LMO2: variants seen among roughly 807,000 people sequenced by gnomAD.
LMO2 encodes rhombotin-2.
Under a neutral mutation model 23.2 loss-of-function variants are expected in LMO2, and 20 were observed. The ratio of observed to expected loss-of-function variants is 0.86; its 90% CI spans 0.61 to 1.25. LMO2 has a LOEUF of 1.25. LMO2 is among the 50% of genes most tolerant of loss of function. The pLI is 0.00. For missense variants in LMO2, 270 were observed against 315.3 expected, an observed-to-expected ratio of 0.86 and a Z score of 1.09; for synonymous variants, 123 against 130.2, an observed-to-expected ratio of 0.94 and a Z score of 0.38.
At chr11:33,881,508 C>A in intron 2 of LMO2, 1 of 417,234 alleles carries the variant, frequency 2.4e-6, no homozygotes, top group Non-Finnish European at 4.9e-6. Flanking sequence ...GGAATGGTAG[C>A]AAGTCATCTA....
chr11:33,876,395 G>A (rs995212291), intron 2 of LMO2, among the ~76,000 whole-genome samples: 1 of 152,182 alleles, frequency 6.6e-6, no homozygotes, highest in Admixed American at 6.5e-5. Flanking sequence ...CTAACGTGTG[G>A]CTGGCCCTCA....
chr11:33,860,904 G>T (rs1856549535), intron 5 of LMO2, among the ~76,000 whole-genome samples: 1 of 152,330 alleles, frequency 6.6e-6, no homozygotes, highest in African/African-American at 2.4e-5. Context: ...GGGACTGGTT[G>T]CAGGCTGACA....
intron 2 of LMO2, among the ~76,000 whole-genome samples, chr11:33,879,338 G>A (rs1292000131): frequency 2.6e-5 from 4 of 151,966 alleles, no homozygotes; most frequent in Non-Finnish European, 4.4e-5. Context: ...AGAACATATA[G>A]GCCGGGCACT....
At chr11:33,887,831 C>T (rs757258541) in intron 1 of LMO2, among the ~76,000 whole-genome samples, 1 of 152,122 alleles carries the variant, frequency 6.6e-6, no homozygotes, top group Non-Finnish European at 1.5e-5. Context: ...GCCTTGGCCT[C>T]CCAAAGTGAT....
At chr11:33,884,005 A>G (rs909454086) in intron 1 of LMO2, among the ~76,000 whole-genome samples, 2 of 152,128 alleles carry the variant, frequency 1.3e-5, no homozygotes, top group African/African-American at 4.8e-5. Flanking sequence ...ATTGGACCAT[A>G]ACAATATTCC....
At chr11:33,867,959 T>C (rs547583569) in intron 4 of LMO2, among the ~76,000 whole-genome samples, 10 of 152,344 alleles carry the variant, frequency 6.6e-5, no homozygotes, top group Admixed American at 6.5e-4. Context: ...TTTAAGTTTA[T>C]TTTAAAAAAG....
intron 2 of LMO2, among the ~76,000 whole-genome samples, chr11:33,873,531 A>G (rs1030347537): frequency 6.6e-6 from 1 of 152,194 alleles, no homozygotes; most frequent in Non-Finnish European, 1.5e-5. Context: ...ATCCTCCCTT[A>G]ACAACTAGTA....
At chr11:33,888,967 C>G (rs926418361) in intron 1 of LMO2, among the ~76,000 whole-genome samples, 3 of 152,190 alleles carry the variant, frequency 2.0e-5, no homozygotes, top group African/African-American at 7.2e-5. Context: ...AGCTAGTAGT[C>G]GCCAAAGCCA....
chr11:33,880,991 G>T lies in LMO2; in HGVS notation c.-272+833C>A, dbSNP rs142156357. On this transcript the variant is annotated intron_variant, in intron 2 of 5. Coordinates refer to ENST00000257818, the MANE Select transcript of LMO2 (RefSeq NM_005574.4). The surrounding 1 kb of genome is among the most constrained non-coding windows in gnomAD (Gnocchi z 4.3). ...CCAAGGACAGAAAAAAAGAGTGCAG[G>T]TTGTTATTATGCAAAGCCACAGCAT... is the stretch of plus-strand genomic sequence containing the variant. The T allele has an allele frequency of 1.4e-5, 5 of 352,794 alleles. No homozygotes were observed. Among genetic ancestry groups the T allele is most frequent in the Admixed American group, 7.7e-5 (2 of 26,086 alleles). The allele number at this position is 352,794 out of a possible 1,614,324, so 21.9% of individuals were successfully genotyped here. A position where few individuals can be genotyped will look rare whatever the true frequency, so the allele number is the denominator to read the frequency against.
At position 33,864,532 on chromosome 11, in the gene LMO2, A is replaced by G; in HGVS notation, c.464+70T>C. ...TGGAGCAGGGTAAGGGGCAACACAC[A>G]CCGACTGCAGATGTCCATGGACCAC... On this transcript the variant is annotated intron_variant, in intron 5 of 5. Transcript: ENST00000257818. This position sits in a 1 kb window ranked among gnomAD's most constrained non-coding sequence, Gnocchi z 4.8. 1 of 1,319,356 alleles carries G rather than the reference A, an allele frequency of 7.6e-7. No individual in the cohort carries two copies. The highest frequency in any genetic ancestry group is 1.1e-6 in the Non-Finnish European group (1 of 946,032). The allele number at this position is 1,319,356 out of a possible 1,614,324, so 81.7% of individuals were successfully genotyped here.
intron 4 of LMO2, among the ~76,000 whole-genome samples, chr11:33,867,484 T>C (rs1856830877): frequency 6.6e-6 from 1 of 152,202 alleles, no homozygotes. Flanking sequence ...CTGAATTAGA[T>C]TGATTCACCC....
chr11:33,860,460 C>T (rs1342386276), intron 5 of LMO2, among the ~76,000 whole-genome samples: 1 of 152,122 alleles, frequency 6.6e-6, no homozygotes, highest in Non-Finnish European at 1.5e-5. Context: ...GCCTGGGAAC[C>T]TGACAGAAAT....
At position 33,869,892 on chromosome 11, in the gene LMO2, GGA is replaced by G; in HGVS notation, c.-178_-177del. On this transcript the variant is annotated 5_prime_UTR_variant, in exon 3 of 6. Coordinates refer to ENST00000257818, the MANE Select transcript of LMO2 (RefSeq NM_005574.4). ...AGAGGGGGCGGCGGCCTAGGGGCGGGGAGGGGACCGTGCGTCTCTCTCCGGGC... is the reference window on the plus strand; with the variant it reads ...AGAGGGGGCGGCGGCCTAGGGGCGGGGGGGACCGTGCGTCTCTCTCCGGGC... 6.7e-6 allele frequency: 7 copies of G among 1,050,546 alleles called. No individual in the cohort carries two copies. Among genetic ancestry groups the G allele is most frequent in the Non-Finnish European group, 8.0e-6 (7 of 871,826 alleles). The allele number at this position is 1,050,546 out of a possible 1,614,324, so 65.1% of individuals were successfully genotyped here. A position where few individuals can be genotyped will look rare whatever the true frequency, so the allele number is the denominator to read the frequency against.
At chr11:33,861,531 G>C (rs1023955237) in intron 5 of LMO2, among the ~76,000 whole-genome samples, 3 of 152,180 alleles carry the variant, frequency 2.0e-5, no homozygotes, top group African/African-American at 4.8e-5. Context: ...ACTCATTACT[G>C]GGGGGAGAAC....
In LMO2 at chr11:33,880,481, CAG is replaced by C. The variant is rs759936550; in HGVS notation, c.-272+1341_-272+1342del. ...AAGTACTTAAACAAATACATAGAGACAGAAAGTCGAATGGTGGTTGCCAGGAG... is the reference window on the plus strand; with the variant it reads ...AAGTACTTAAACAAATACATAGAGACAAAGTCGAATGGTGGTTGCCAGGAG... On this transcript the variant is annotated intron_variant, in intron 2 of 5. Transcript: ENST00000257818. The surrounding 1 kb of genome is among the most constrained non-coding windows in gnomAD (Gnocchi z 4.3). Among the ~76,000 whole-genome samples, 8 of 151,994 alleles carry C rather than the reference CAG, an allele frequency of 5.3e-5. No individual in the cohort carries two copies. The highest frequency in any genetic ancestry group is 1.2e-4 in the Non-Finnish European group (8 of 68,016).
chr11:33,887,536 G>T (rs1857440475), intron 1 of LMO2, among the ~76,000 whole-genome samples: 2 of 125,450 alleles, frequency 1.6e-5, no homozygotes, highest in African/African-American at 3.1e-5. Context: ...CTCCAGGAAT[G>T]TGGATTTTTT....
chr11:33,890,895 A>G (rs1857530438), intron 1 of LMO2, among the ~76,000 whole-genome samples: 2 of 152,206 alleles, frequency 1.3e-5, no homozygotes, highest in Non-Finnish European at 1.5e-5. Flanking sequence ...AGCACAAACA[A>G]GAGCTTAATT....
chr11:33,890,464 C>T (rs552019122), intron 1 of LMO2, among the ~76,000 whole-genome samples: 1 of 152,188 alleles, frequency 6.6e-6, no homozygotes, highest in East Asian at 1.9e-4. Flanking sequence ...CAATTCTCCT[C>T]TCTCAGCCTC....
At chr11:33,860,571 C>T (rs1358574292) in intron 5 of LMO2, among the ~76,000 whole-genome samples, 1 of 151,962 alleles carries the variant, frequency 6.6e-6, no homozygotes, top group South Asian at 2.1e-4. Context: ...CGAGACCACC[C>T]TGGGCAACAT....
Sources: allele counts gnomAD v4.1 joint callset (sites outside exome capture counted in the v4.1 genomes callset), GRCh38; gene constraint gnomAD v4.1.1; non-coding constraint Gnocchi (gnomAD v3.1); transcripts MANE v1.5; gene names NCBI Gene and HGNC (gene_info 2026-07-23, HGNC 2026-07-21).